Variants in ABCA13 observed in about 807,000 individuals in gnomAD.
ABCA13 encodes ATP binding cassette subfamily A member 13, also known as ATP-binding cassette sub-family A member 13.
In ABCA13, 476 loss-of-function variants were observed where a neutral mutation model predicts 478.7. That is an observed-to-expected ratio of 0.99 (90% confidence interval 0.92 to 1.07). The LOEUF (loss-of-function observed/expected upper bound fraction) is 1.07. Among genes scored for constraint, ABCA13 ranks in the 50% least tolerant of loss-of-function variants. The pLI is 0.00. For missense variants in ABCA13, 6,060 were observed against 5,910.6 expected, an observed-to-expected ratio of 1.03 and a Z score of -0.83; for synonymous variants, 2,252 against 2,158.9, an observed-to-expected ratio of 1.04 and a Z score of -1.20.
intron 55 of ABCA13, among the ~76,000 whole-genome samples, chr7:48,567,551 GATTA>G (rs954480986): frequency 5.3e-5 from 8 of 152,094 alleles, no homozygotes; most frequent in South Asian, 2.1e-4. Context: ...TGTGCTAGGT[GATTA>G]ATTAATGTGT....
At chr7:48,415,611 T>C (rs1819871955) in intron 41 of ABCA13, among the ~76,000 whole-genome samples, 1 of 152,180 alleles carries the variant, frequency 6.6e-6, no homozygotes, top group Non-Finnish European at 1.5e-5. Flanking sequence ...TCCCTTTACG[T>C]AAGTGGCATT....
intron 44 of ABCA13, among the ~76,000 whole-genome samples, chr7:48,468,180 A>C (rs1215131474): frequency 6.6e-6 from 1 of 152,138 alleles, no homozygotes; most frequent in African/African-American, 2.4e-5. Flanking sequence ...AAAAGGTAGA[A>C]TCAATAATTA....
At chr7:48,499,926 G>T (rs189861004) in intron 48 of ABCA13, among the ~76,000 whole-genome samples, 1 of 152,126 alleles carries the variant, frequency 6.6e-6, no homozygotes, top group African/African-American at 2.4e-5. Context: ...CAATTACAGA[G>T]ATTGTCCATT....
At chr7:48,367,036 TG>T (rs1811784370) in intron 31 of ABCA13, among the ~76,000 whole-genome samples, 2 of 152,134 alleles carry the variant, frequency 1.3e-5, no homozygotes, top group African/African-American at 2.4e-5. Context: ...ATAATTATTA[TG>T]TGGATTTAGA....
intron 20 of ABCA13, 101 bp downstream of exon 20, chr7:48,288,179 C>A: frequency 9.5e-7 from 1 of 1,050,314 alleles, no homozygotes; most frequent in Non-Finnish European, 1.5e-6. Context: ...CTTATAACTA[C>A]AGCAATGGTG....
intron 31 of ABCA13, among the ~76,000 whole-genome samples, chr7:48,361,990 A>G (rs995247115): frequency 6.6e-6 from 1 of 152,040 alleles, no homozygotes; most frequent in South Asian, 2.1e-4. Flanking sequence ...CTGTTGCTAA[A>G]TCTTAATTTC....
At chr7:48,255,613 T>G (rs1793260994) in intron 15 of ABCA13, among the ~76,000 whole-genome samples, 1 of 152,188 alleles carries the variant, frequency 6.6e-6, no homozygotes. Context: ...CCCAGCTACA[T>G]CCATGTTACT....
At chr7:48,265,245 TA>T (rs869216297) in intron 15 of ABCA13, among the ~76,000 whole-genome samples, 5 of 150,960 alleles carry the variant, frequency 3.3e-5, no homozygotes, top group African/African-American at 1.2e-4. Flanking sequence ...TTCTTTTTTT[TA>T]AAAAAAATGT....
intron 55 of ABCA13, among the ~76,000 whole-genome samples, chr7:48,544,041 A>C (rs1302953726): frequency 1.3e-5 from 2 of 151,868 alleles, no homozygotes. Flanking sequence ...TTTAACAATT[A>C]CATTAATTAC....
At chr7:48,495,810 G>A (rs1830224839) in intron 48 of ABCA13, among the ~76,000 whole-genome samples, 1 of 152,074 alleles carries the variant, frequency 6.6e-6, no homozygotes, top group Non-Finnish European at 1.5e-5. Flanking sequence ...CATTTGGGAT[G>A]ATTATATTTT....
Position 48,229,964 on chromosome 7 carries a change from G to C in ABCA13, c.763+9G>C. 2 of 1,612,120 alleles carry C rather than the reference G, an allele frequency of 1.2e-6. No individual in the cohort carries two copies. The highest frequency in any genetic ancestry group is 1.7e-6 in the Non-Finnish European group (2 of 1,178,836). On this transcript the variant is annotated intron_variant, in intron 7 of 61. Coordinates refer to ENST00000435803, the MANE Select transcript of ABCA13 (RefSeq NM_152701.5). ...TGGAGTAGCAGTCACCGGTATGGGT[G>C]CCTTGTAGCTATTGCTATATTTCAA...
intron 55 of ABCA13, among the ~76,000 whole-genome samples, chr7:48,531,687 TTCC>T (rs1833240950): frequency 6.6e-6 from 1 of 151,912 alleles, no homozygotes; most frequent in Non-Finnish European, 1.5e-5. Flanking sequence ...TTTTTTACTT[TTCC>T]TTGTAGAGGT....
chr7:48,207,004 A>T (rs1351027808), intron 3 of ABCA13, among the ~76,000 whole-genome samples: 7 of 151,900 alleles, frequency 4.6e-5, no homozygotes, highest in Non-Finnish European at 8.8e-5. Flanking sequence ...CTATCATTCT[A>T]CTCTCTGTCT....
intron 15 of ABCA13, among the ~76,000 whole-genome samples, chr7:48,254,541 C>A (rs145478621): frequency 6.6e-6 from 1 of 152,224 alleles, no homozygotes; most frequent in African/African-American, 2.4e-5. Flanking sequence ...AAGCACTCTA[C>A]ATAAATCTTT....
At chr7:48,350,906 T>C (rs1407616975) in intron 30 of ABCA13, 87 bp downstream of exon 30, 1 of 1,344,816 alleles carries the variant, frequency 7.4e-7, no homozygotes, top group Non-Finnish European at 1.0e-6. Context: ...AGGTGTCTTA[T>C]GATAGCTCAG....
At position 48,455,157 on chromosome 7, in the gene ABCA13, A is replaced by G; in HGVS notation, c.12686A>G (p.Asp4229Gly). ...CGCGCCGGGAAGAGCACCCTCGCCG[A>G]CCTGCTGCTGCCAGTCCTCTTCGTG... ...TLRAGKSTLADLLLPVLFVAL... is the reference protein window; with the variant it reads ...TLRAGKSTLAGLLLPVLFVAL... The change falls in exon 43 of 62, where the codon GAC becomes GGC. Residue 4229 changes from aspartate (D) to glycine (G), a missense_variant. Physicochemically the swap from Asp to Gly is moderately conservative, Grantham distance 94. Transcript: ENST00000435803. The G allele has an allele frequency of 1.3e-6, 2 of 1,582,276 alleles. No individual in the cohort carries two copies. The highest frequency in any genetic ancestry group is 1.3e-5 in the African/African-American group (1 of 74,198).
chr7:48,583,828 A>G (rs1195836638), intron 56 of ABCA13, among the ~76,000 whole-genome samples: 3 of 152,232 alleles, frequency 2.0e-5, no homozygotes, highest in Non-Finnish European at 2.9e-5. Context: ...ACTACAGCAA[A>G]ATACTTCTTA....
At chr7:48,583,345 T>C (rs1257443755) in intron 56 of ABCA13, among the ~76,000 whole-genome samples, 1 of 152,158 alleles carries the variant, frequency 6.6e-6, no homozygotes, top group Non-Finnish European at 1.5e-5. Flanking sequence ...CATTTCCATC[T>C]GAAATCCTTG....
chr7:48,295,556 C>A, intron 20 of ABCA13, 144 bp from the exon 21 acceptor site: 2 of 1,053,268 alleles, frequency 1.9e-6, no homozygotes, highest in Non-Finnish European at 2.7e-6. Context: ...ATTTCCACAG[C>A]CAAGGGCTCT....
Sources: allele counts gnomAD v4.1 joint callset (sites outside exome capture counted in the v4.1 genomes callset), GRCh38; gene constraint gnomAD v4.1.1; transcripts MANE v1.5; gene names NCBI Gene and HGNC (gene_info 2026-07-23, HGNC 2026-07-21).